Variants in TYW1 observed in about 807,000 individuals in gnomAD.
TYW1 encodes the protein tRNA-yW synthesizing protein 1 homolog.
In TYW1, 46 loss-of-function variants were observed where a neutral mutation model predicts 96.2. The observed-to-expected ratio is 0.48, with a 90% CI of 0.38 to 0.61. The LOEUF is 0.61. Among genes scored for constraint, TYW1 ranks in the 20% least tolerant of loss-of-function variants. TYW1 has a pLI of 0.00. For synonymous variants in TYW1, 274 were observed against 323.0 expected (o/e 0.85, Z 1.63); for missense variants, 684 against 909.6 (o/e 0.75, Z 3.19).
intron 12 of TYW1, among the ~76,000 whole-genome samples, chr7:67,101,581 T>C (rs1168235745): frequency 6.6e-6 from 1 of 152,040 alleles, no homozygotes; most frequent in African/African-American, 2.4e-5. Flanking sequence ...AGTGGCACAA[T>C]CTTGGCTCAC....
chr7:67,020,821 A>G (rs779580748), intron 6 of TYW1, among the ~76,000 whole-genome samples: 2 of 152,290 alleles, frequency 1.3e-5, no homozygotes, highest in Non-Finnish European at 2.9e-5. Context: ...TGAGGTTGGG[A>G]GTTCGAGACC....
intron 7 of TYW1, among the ~76,000 whole-genome samples, chr7:67,026,839 G>A (rs1794468230): frequency 6.6e-6 from 1 of 152,034 alleles, no homozygotes; most frequent in Admixed American, 6.6e-5. Flanking sequence ...CTAAGAATAT[G>A]TAGGAATTTC....
chr7:67,186,693 A>C (rs567785689), intron 14 of TYW1, among the ~76,000 whole-genome samples: 1 of 152,056 alleles, frequency 6.6e-6, no homozygotes, highest in Non-Finnish European at 1.5e-5. Context: ...GGGTCTCACT[A>C]TGTTGCCCAG....
chr7:67,075,594 A>G (rs1292606520), intron 10 of TYW1, among the ~76,000 whole-genome samples: 1 of 152,252 alleles, frequency 6.6e-6, no homozygotes, highest in African/African-American at 2.4e-5. Context: ...TGTTGAAAAT[A>G]TTATACTAAG....
chr7:67,218,204 A>T (rs781644320), intron 15 of TYW1, among the ~76,000 whole-genome samples: 34 of 151,804 alleles, frequency 2.2e-4, no homozygotes, highest in Non-Finnish European at 4.7e-4. Context: ...TGAACATGGG[A>T]TGTATTTCTA....
intron 10 of TYW1, among the ~76,000 whole-genome samples, chr7:67,072,697 A>C (rs1261600614): frequency 1.3e-5 from 2 of 152,120 alleles, no homozygotes; most frequent in Non-Finnish European, 2.9e-5. Flanking sequence ...TAGCCATCAT[A>C]TTGTTTTATC....
At chr7:67,238,162 A>G in intron 15 of TYW1, 146 bp from the exon 16 acceptor site, 1 of 1,183,404 alleles carries the variant, frequency 8.5e-7, no homozygotes, top group Non-Finnish European at 1.2e-6. Flanking sequence ...TGGAACATGG[A>G]AGAGGTTTTT....
At chr7:67,135,939 G>C (rs1200401102) in intron 13 of TYW1, among the ~76,000 whole-genome samples, 1 of 152,184 alleles carries the variant, frequency 6.6e-6, no homozygotes, top group East Asian at 1.9e-4. Flanking sequence ...GCTAACATCT[G>C]TTAAACAACC....
chr7:67,120,902 A>G (rs1225098642), intron 13 of TYW1, among the ~76,000 whole-genome samples: 1 of 152,246 alleles, frequency 6.6e-6, no homozygotes, highest in East Asian at 1.9e-4. Context: ...CATCTTAAAT[A>G]GAAGTCATTA....
At chr7:67,202,055 C>T (rs1447667590) in intron 15 of TYW1, among the ~76,000 whole-genome samples, 5 of 152,158 alleles carry the variant, frequency 3.3e-5, no homozygotes, top group African/African-American at 4.8e-5. Flanking sequence ...ACCATGGCCA[C>T]GAAGAAATAA....
At chr7:67,171,423 A>G (rs10266791) in intron 13 of TYW1, among the ~76,000 whole-genome samples, 42,614 of 151,728 alleles carry the variant, frequency 0.28, 6,470 homozygotes, top group African/African-American at 0.4. Flanking sequence ...AACCCTGTTG[A>G]TTTAATTTAC....
Position 67,117,218 on chromosome 7 carries a change from A to C in TYW1, c.1563-265A>C, listed in dbSNP as rs553014499. 5.9e-5 allele frequency among the ~76,000 whole-genome samples: 9 copies of C among 152,334 alleles called. No individual in the cohort carries two copies. In the South Asian group the frequency reaches 1.2e-3, roughly 21 times the overall value. ...TTTTGTTTATTTTCCATTCAAACTT[A>C]GTATTTGAAGAAGGACCAATTTTAA... is the stretch of plus-strand genomic sequence containing the variant. On this transcript the variant is annotated intron_variant, in intron 12 of 15. Transcript: ENST00000359626.
intron 6 of TYW1, among the ~76,000 whole-genome samples, chr7:67,023,604 C>T (rs994049309): frequency 5.3e-5 from 8 of 151,876 alleles, no homozygotes; most frequent in African/African-American, 1.9e-4. Flanking sequence ...CCTGTCTCTA[C>T]TAAAAATACA....
At chr7:67,153,368 A>C (rs1377245240) in intron 13 of TYW1, among the ~76,000 whole-genome samples, 1 of 152,190 alleles carries the variant, frequency 6.6e-6, no homozygotes, top group Non-Finnish European at 1.5e-5. Context: ...AGACAGGAGA[A>C]TCGCTTGAAC....
At chr7:67,195,685 G>A (rs192059878) in intron 15 of TYW1, among the ~76,000 whole-genome samples, 4 of 152,162 alleles carry the variant, frequency 2.6e-5, no homozygotes, top group African/African-American at 9.7e-5. Flanking sequence ...GTCCCCATAT[G>A]AGTTTCTAGC....
intron 11 of TYW1, 62 bp from the exon 12 acceptor site, chr7:67,098,479 A>G: frequency 1.4e-6 from 2 of 1,473,458 alleles, no homozygotes; most frequent in South Asian, 1.5e-5. Context: ...ATTAAGAAAA[A>G]CGTAAGTGAC....
chr7:67,030,943 G>A (rs542434674), intron 7 of TYW1, among the ~76,000 whole-genome samples: 12 of 152,126 alleles, frequency 7.9e-5, no homozygotes, highest in South Asian at 4.2e-4. Context: ...GCTCATGCCT[G>A]TAATCCCAGC....
rs377509570 is a variant in TYW1, at chr7:67,237,190, G to A, written c.1978-1118G>A. On this transcript the variant is annotated intron_variant, in intron 15 of 15. Transcript: ENST00000359626. Reference sequence around the variant, plus strand: ...CGTGAGCCACCGTGCCTGGCCATTAGTCGAAGTTTTTTAAAAGACAGTGGC... The same window carrying A: ...CGTGAGCCACCGTGCCTGGCCATTAATCGAAGTTTTTTAAAAGACAGTGGC... 5.9e-3 allele frequency among the ~76,000 whole-genome samples: 861 copies of A among 147,044 alleles called. 3 individuals are homozygous for A. Among genetic ancestry groups the A allele is most frequent in the Middle Eastern group, 0.017 (5 of 290 alleles).
chr7:67,072,656 A>T (rs1029242220), intron 10 of TYW1, among the ~76,000 whole-genome samples: 1 of 152,196 alleles, frequency 6.6e-6, no homozygotes, highest in African/African-American at 2.4e-5. Flanking sequence ...ATGGATAATC[A>T]TATTCCATTT....
Sources: gnomAD v4.1 joint callset for allele counts (sites outside exome capture counted in the v4.1 genomes callset) on GRCh38, gnomAD v4.1.1 for gene constraint, MANE v1.5 for transcripts, NCBI Gene and HGNC (gene_info 2026-07-23, HGNC 2026-07-21) for gene names.